NOMO1: variants seen among roughly 807,000 people sequenced by gnomAD.
NOMO1 encodes nodal modulator 3.
In NOMO1, 40 loss-of-function variants were observed where a neutral mutation model predicts 133.8. That is an observed-to-expected ratio of 0.30 (90% CI 0.23 to 0.39). The LOEUF is 0.39. Ranked by LOEUF, NOMO1 falls within the 10% of genes least tolerant of loss-of-function variation. The pLI is 1.00. For synonymous variants in NOMO1, 236 were observed against 570.5 expected, an observed-to-expected ratio of 0.41 and a Z score of 8.36; for missense variants, 462 against 1,419.9, an observed-to-expected ratio of 0.33 and a Z score of 10.84.
intron 27 of NOMO1, among the ~76,000 whole-genome samples, chr16:14,884,835 T>G (rs1451906189): frequency 2.6e-5 from 4 of 152,082 alleles, no homozygotes; most frequent in Non-Finnish European, 5.9e-5. Flanking sequence ...ACTTAAAATT[T>G]TCTCTGGAGT....
At chr16:14,843,687 G>A (rs1963638549) in intron 3 of NOMO1, among the ~76,000 whole-genome samples, 1 of 148,932 alleles carries the variant, frequency 6.7e-6, no homozygotes, top group East Asian at 2.0e-4. Flanking sequence ...TCCTGTTCAA[G>A]TCTTTTGCCC....
intron 9 of NOMO1, among the ~76,000 whole-genome samples, chr16:14,854,333 T>C (rs1304098364): frequency 2.4e-5 from 3 of 125,812 alleles, no homozygotes; most frequent in African/African-American, 6.4e-5. Context: ...GTGGACCTCA[T>C]TTTTTTTTTT....
chr16:14,837,093 C>T (rs1206498228), intron 1 of NOMO1, among the ~76,000 whole-genome samples: 1 of 151,870 alleles, frequency 6.6e-6, no homozygotes, highest in African/African-American at 2.4e-5. Context: ...TCATAGCTCA[C>T]CAAAGCCTCT....
At chr16:14,857,751 A>G in intron 11 of NOMO1, 96 bp downstream of exon 11, 1 of 1,519,392 alleles carries the variant, frequency 6.6e-7, no homozygotes, top group East Asian at 2.3e-5. Flanking sequence ...TGCCGAGCTT[A>G]AGAACTTAAG....
At chr16:14,845,177 A>G (rs1963660928) in intron 4 of NOMO1, among the ~76,000 whole-genome samples, 2 of 151,760 alleles carry the variant, frequency 1.3e-5, no homozygotes, top group Admixed American at 1.3e-4. Context: ...AGCTAGGATT[A>G]CAAGTGTGTG....
At chr16:14,839,213 C>T (rs1963568287) in intron 2 of NOMO1, among the ~76,000 whole-genome samples, 1 of 151,864 alleles carries the variant, frequency 6.6e-6, no homozygotes, top group Non-Finnish European at 1.5e-5. Flanking sequence ...TGCCACTACA[C>T]CCAGCTAATG....
At chr16:14,874,993 A>G in intron 18 of NOMO1, 43 bp from the exon 19 acceptor site, 1 of 1,613,634 alleles carries the variant, frequency 6.2e-7, no homozygotes, top group East Asian at 2.2e-5. Flanking sequence ...CCCACTGACC[A>G]CAAGGATACG....
chr16:14,884,049 G>A (rs1454454078), intron 26 of NOMO1, among the ~76,000 whole-genome samples: 1 of 148,596 alleles, frequency 6.7e-6, no homozygotes, highest in Non-Finnish European at 1.5e-5. Flanking sequence ...TAACAGGCAA[G>A]AGCATCCTTC....
intron 27 of NOMO1, among the ~76,000 whole-genome samples, chr16:14,884,831 A>G (rs1964298523): frequency 6.6e-6 from 1 of 152,058 alleles, no homozygotes; most frequent in African/African-American, 2.4e-5. Context: ...TGTAACTTAA[A>G]ATTTTCTCTG....
rs1201634114 is a variant in NOMO1 at position 14,886,995 on chromosome 16, G to T, written c.3324+133G>T. 2.4e-6 allele frequency: 3 copies of T among 1,234,590 alleles called. No individual in the cohort carries two copies. In the East Asian group the frequency reaches 7.2e-5, roughly 30 times the overall value. 76.5% of individuals were successfully genotyped at this position (1,234,590 alleles called of 1,614,324 possible). A position where few individuals can be genotyped will look rare whatever the true frequency, so the allele number is the denominator to read the frequency against. On this transcript the variant is annotated intron_variant, in intron 28 of 30. Coordinates refer to ENST00000287667, the MANE Select transcript of NOMO1 (RefSeq NM_014287.4). ...AAATACGCTCTCTGAATCAAAAGAGGTTGGGTTCTGTAGGGATTATTTTTT... is the reference window on the plus strand; with the variant it reads ...AAATACGCTCTCTGAATCAAAAGAGTTTGGGTTCTGTAGGGATTATTTTTT...
intron 11 of NOMO1, among the ~76,000 whole-genome samples, chr16:14,859,668 A>T (rs574697417): frequency 7.2e-5 from 11 of 152,238 alleles, no homozygotes; most frequent in African/African-American, 2.4e-4. Context: ...TGCAAAAATT[A>T]GCTAGTTTCA....
rs989274964 is a variant in NOMO1, at chr16:14,867,603, G to A, written c.1806+912G>A. 4.1e-5 allele frequency among the ~76,000 whole-genome samples: 6 copies of A among 146,718 alleles called. No individual in the cohort carries two copies. The Admixed American group carries it at 4.2e-4, about 10-fold the overall frequency. On this transcript the variant is annotated intron_variant, in intron 15 of 30. Transcript: ENST00000287667. ...GTGGCCTGAAAGGCAGTGTGAAATG[G>A]GTTTCAGGAGCACCTCCGTAGATCC...
intron 16 of NOMO1, among the ~76,000 whole-genome samples, 179 bp downstream of exon 16, chr16:14,868,814 G>A (rs1302989593): frequency 1.3e-5 from 2 of 150,816 alleles, no homozygotes; most frequent in Non-Finnish European, 2.9e-5. Context: ...ACACCACTGG[G>A]CCCTTTCACC....
intron 20 of NOMO1, among the ~76,000 whole-genome samples, chr16:14,875,798 T>C (rs1016350739): frequency 2.6e-5 from 4 of 151,914 alleles, no homozygotes; most frequent in Non-Finnish European, 4.4e-5. Flanking sequence ...TTAATGATCT[T>C]TCTGTTGTTC....
chr16:14,857,073 G>A (rs943267426), intron 9 of NOMO1, 144 bp from the exon 10 acceptor site: 21 of 1,049,126 alleles, frequency 2.0e-5, no homozygotes, highest in Middle Eastern at 2.0e-4. Flanking sequence ...AGCCTGGCTG[G>A]CACACAGGAC....
At chr16:14,862,847 T>C in intron 11 of NOMO1, 166 bp from the exon 12 acceptor site, 1 of 655,462 alleles carries the variant, frequency 1.5e-6, no homozygotes, top group South Asian at 2.0e-5. Context: ...GAATGAAGGT[T>C]GCTTTTTAAA....
intron 9 of NOMO1, among the ~76,000 whole-genome samples, chr16:14,856,956 G>A (rs559586519): frequency 6.6e-6 from 1 of 152,140 alleles, no homozygotes; most frequent in African/African-American, 2.4e-5. Flanking sequence ...GCTTGAGTCA[G>A]TGACCTTTTA....
At chr16:14,861,625 A>G (rs1482594470) in intron 11 of NOMO1, among the ~76,000 whole-genome samples, 1 of 145,010 alleles carries the variant, frequency 6.9e-6, no homozygotes, top group Non-Finnish European at 1.5e-5. Context: ...GTGAGAACCA[A>G]AATGCATATG....
chr16:14,860,145 G>A (rs1183708712), intron 11 of NOMO1, among the ~76,000 whole-genome samples: 7 of 152,038 alleles, frequency 4.6e-5, no homozygotes, highest in Middle Eastern at 3.4e-3. Flanking sequence ...TGAGGTGGGC[G>A]GATCATGAGG....
Sources: allele counts gnomAD v4.1 joint callset (sites outside exome capture counted in the v4.1 genomes callset), GRCh38; gene constraint gnomAD v4.1.1; transcripts MANE v1.5; gene names NCBI Gene and HGNC (gene_info 2026-07-23, HGNC 2026-07-21).